The following NECTIN3 variants were observed in gnomAD, a reference collection of about 807,000 sequenced individuals.
The protein encoded by NECTIN3 is nectin-3.
A neutral mutation model predicts 49.4 loss-of-function variants in NECTIN3; 8 were observed. The ratio of observed to expected loss-of-function variants is 0.16; its 90% CI spans 0.10 to 0.29. The LOEUF (loss-of-function observed/expected upper bound fraction) is 0.29. Ranked by LOEUF, NECTIN3 falls within the 10% of genes least tolerant of loss-of-function variation. The pLI is 1.00. For synonymous variants in NECTIN3, 277 were observed against 241.1 expected, an observed-to-expected ratio of 1.15 and a Z score of -1.38; for missense variants, 581 against 654.6, an observed-to-expected ratio of 0.89 and a Z score of 1.23.
Position 111,126,304 on chromosome 3 carries a change from A to G in NECTIN3, c.1038A>G (p.Gln346=). The part of the protein sequence containing the change: ...YICKVTNSLG[Q]RSDQKVIYIS... ...GTAAAGTGACCAATTCCCTTGGTCAAAGAAGTGACCAAAAAGTCATCTACA... is the reference window on the plus strand; with the variant it reads ...GTAAAGTGACCAATTCCCTTGGTCAGAGAAGTGACCAAAAAGTCATCTACA... Residue 346 remains glutamine (Q), a synonymous_variant, in exon 5 of 6, where the codon CAA becomes CAG. Coordinates refer to ENST00000485303, the MANE Select transcript of NECTIN3 (RefSeq NM_015480.3). 1 of 1,608,302 alleles carries G rather than the reference A, an allele frequency of 6.2e-7. No individual in the cohort carries two copies. The highest frequency in any genetic ancestry group is 8.5e-7 in the Non-Finnish European group (1 of 1,178,136).
intron 7 of NECTIN3, among the ~76,000 whole-genome samples, chr3:111,172,651 G>C (rs967065773): frequency 2.0e-5 from 3 of 152,126 alleles, no homozygotes; most frequent in African/African-American, 4.8e-5. Flanking sequence ...TTAAACTTTC[G>C]TTCTTAATGG....
chr3:111,170,962 G>T (rs1004826207), intron 7 of NECTIN3, among the ~76,000 whole-genome samples: 6 of 152,036 alleles, frequency 3.9e-5, no homozygotes, highest in African/African-American at 7.3e-5. Context: ...TCTGAATTTG[G>T]GTTCTTAACT....
At chr3:111,177,696 G>T (rs2035556473) in intron 7 of NECTIN3, among the ~76,000 whole-genome samples, 1 of 152,138 alleles carries the variant, frequency 6.6e-6, no homozygotes, top group African/African-American at 2.4e-5. Context: ...GGGTAAATAG[G>T]TACAGCATTA....
intron 1 of NECTIN3, among the ~76,000 whole-genome samples, chr3:111,106,616 T>C (rs2107437810): frequency 6.6e-6 from 1 of 152,346 alleles, no homozygotes; most frequent in African/African-American, 2.4e-5. Flanking sequence ...AATTACTGAA[T>C]GTGCTGGTGA....
At chr3:111,155,955 A>G (rs993070024) in intron 7 of NECTIN3, among the ~76,000 whole-genome samples, 1 of 152,036 alleles carries the variant, frequency 6.6e-6, no homozygotes, top group Non-Finnish European at 1.5e-5. Context: ...GGCTATTGAT[A>G]CCCTCCTTAT....
At chr3:111,098,976 C>T (rs77772674) in intron 1 of NECTIN3, among the ~76,000 whole-genome samples, 165 of 150,956 alleles carry the variant, frequency 1.1e-3, no homozygotes, top group African/African-American at 3.8e-3. Flanking sequence ...AAGAACTTGC[C>T]TTTCTGGCCT....
At chr3:111,128,268 C>G (rs1165444620) in intron 5 of NECTIN3, among the ~76,000 whole-genome samples, 1 of 148,388 alleles carries the variant, frequency 6.7e-6, no homozygotes. Context: ...ATCCGGGAGG[C>G]AGAGATTGCA....
chr3:111,134,394 T>G lies in NECTIN3; in HGVS notation c.*179T>G, dbSNP rs2034504702. 1 of 1,345,744 alleles carries G rather than the reference T, an allele frequency of 7.4e-7. No individual in the cohort carries two copies. The highest frequency in any genetic ancestry group is 2.0e-5 in the South Asian group (1 of 50,016). The allele number at this position is 1,345,744 out of a possible 1,614,324, so 83.4% of individuals were successfully genotyped here. The stretch of plus-strand genomic sequence containing the variant: ...AAATCTGAGTTCAGTGTATCTAAGC[T>G]GCTTTACAATTTTTTTTCAATGCTG... On this transcript the variant is annotated 3_prime_UTR_variant, in exon 6 of 6. Transcript: ENST00000485303.
intron 3 of NECTIN3, among the ~76,000 whole-genome samples, chr3:111,120,697 T>G (rs772965592): frequency 1.3e-5 from 2 of 152,170 alleles, no homozygotes; most frequent in Non-Finnish European, 2.9e-5. Flanking sequence ...TAGTTTCTCA[T>G]CAGATCATGT....
At chr3:111,087,599 G>T (rs2032007918) in intron 1 of NECTIN3, among the ~76,000 whole-genome samples, 1 of 152,150 alleles carries the variant, frequency 6.6e-6, no homozygotes, top group Non-Finnish European at 1.5e-5. Context: ...GTTGCAGTGA[G>T]TGGAGATTGT....
At chr3:111,099,698 C>CT (rs1311990426) in intron 1 of NECTIN3, among the ~76,000 whole-genome samples, 5 of 152,144 alleles carry the variant, frequency 3.3e-5, no homozygotes, top group African/African-American at 4.8e-5. Flanking sequence ...CTCGCAAAGT[C>CT]TAACTATGGA....
downstream of NECTIN3, among the ~76,000 whole-genome samples, chr3:111,139,428 C>G (rs1342510961): frequency 6.6e-6 from 1 of 151,638 alleles, no homozygotes; most frequent in Non-Finnish European, 1.5e-5. Flanking sequence ...CATTTGCATC[C>G]CACACACATG....
intron 7 of NECTIN3, among the ~76,000 whole-genome samples, chr3:111,158,085 T>C (rs2035133965): frequency 6.6e-6 from 1 of 152,102 alleles, no homozygotes; most frequent in Non-Finnish European, 1.5e-5. Context: ...AAGATTTTCT[T>C]CTTGAAAATG....
At chr3:111,090,564 TTGTTTGTG>T (rs2032204387) in intron 1 of NECTIN3, among the ~76,000 whole-genome samples, 1 of 47,166 alleles carries the variant, frequency 2.1e-5, no homozygotes, top group Non-Finnish European at 4.8e-5. Flanking sequence ...GTGTGTTTGC[TTGTTTGTG>T]TGTGTGTGTG....
intron 1 of NECTIN3, among the ~76,000 whole-genome samples, chr3:111,096,675 G>A (rs544574709): frequency 6.6e-5 from 10 of 152,268 alleles, no homozygotes; most frequent in Non-Finnish European, 1.0e-4. Context: ...CGCTCCAGCC[G>A]TGACTGAAAG....
chr3:111,123,103 A>G lies in NECTIN3; in HGVS notation c.917+865A>G, dbSNP rs964518860. ...TTTCAGTTTTTAAGAGCGTCTTCTC[A>G]TAAGACGGAGCATCTTCTCATTGAA... is the stretch of plus-strand genomic sequence containing the variant. On this transcript the variant is annotated intron_variant, in intron 4 of 5. Coordinates refer to ENST00000485303, the MANE Select transcript of NECTIN3 (RefSeq NM_015480.3). Among the ~76,000 whole-genome samples the G allele has an allele frequency of 4.6e-5, 7 of 151,950 alleles. 1 individual carries two copies. Among genetic ancestry groups the G allele is most frequent in the Admixed American group, 4.6e-4 (7 of 15,270 alleles).
intron 7 of NECTIN3, among the ~76,000 whole-genome samples, chr3:111,176,480 A>G (rs1298006931): frequency 1.3e-5 from 2 of 152,176 alleles, no homozygotes; most frequent in African/African-American, 2.4e-5. Context: ...GAAATGCCAA[A>G]TTGAGACTAC....
chr3:111,192,641 G>A (rs185611762), intron 1 of NECTIN3, among the ~76,000 whole-genome samples: 25 of 152,238 alleles, frequency 1.6e-4, no homozygotes, highest in Admixed American at 1.2e-3. Flanking sequence ...ACATCATGGG[G>A]GGTTCATTTT....
chr3:111,168,398 A>G (rs193263272), intron 7 of NECTIN3, among the ~76,000 whole-genome samples: 362 of 152,258 alleles, frequency 2.4e-3, no homozygotes, highest in African/African-American at 8.3e-3. Flanking sequence ...TCATACACAC[A>G]TACATACACA....
Sources: allele counts gnomAD v4.1 joint callset (sites outside exome capture counted in the v4.1 genomes callset), GRCh38; gene constraint gnomAD v4.1.1; transcripts MANE v1.5; gene names NCBI Gene and HGNC (gene_info 2026-07-23, HGNC 2026-07-21).